SYNE1: variants seen among roughly 807,000 people sequenced by gnomAD.
SYNE1 encodes the protein spectrin repeat containing nuclear envelope protein 1, also known as nesprin-1.
In SYNE1, 616 loss-of-function variants were observed where a neutral mutation model predicts 1,111.0. That is an observed-to-expected ratio of 0.55 (90% confidence interval 0.52 to 0.59). The LOEUF (loss-of-function observed/expected upper bound fraction) is 0.59. Among genes scored for constraint, SYNE1 ranks in the 20% least tolerant of loss-of-function variants. SYNE1 has a pLI of 0.00. For missense variants in SYNE1, 10,006 were observed against 10,417.0 expected, an observed-to-expected ratio of 0.96 and a Z score of 1.72; for synonymous variants, 3,855 against 3,825.8, an observed-to-expected ratio of 1.01 and a Z score of -0.28.
Position 152,416,892 on chromosome 6 carries a change from A to C in SYNE1, c.5545T>G (p.Cys1849Gly). 1 of 1,613,980 alleles carries C rather than the reference A, an allele frequency of 6.2e-7. No individual in the cohort carries two copies. Among genetic ancestry groups the C allele is most frequent in the Non-Finnish European group, 8.5e-7 (1 of 1,179,890 alleles). ...CTGGCCTCCTCAAACAGCTGGAAGC[A>C]GTCCTCAGCCTTTCCCTGCAGGAGG... ...LHLLQGKAED[C>G]FQLFEEASQV... The change falls in exon 41 of 146, where the codon TGC (cysteine) becomes GGC (glycine). Residue 1849 changes from cysteine to glycine, a missense_variant. Cys to Gly is a radical substitution (Grantham distance 159). Transcript: ENST00000367255.
At chr6:152,291,144 AT>A (rs2094583808) in intron 95 of SYNE1, among the ~76,000 whole-genome samples, 2 of 127,926 alleles carry the variant, frequency 1.6e-5, no homozygotes, top group Non-Finnish European at 3.3e-5. Flanking sequence ...ATATTAATAT[AT>A]GCAATTATAT....
At chr6:152,398,754 A>T in intron 48 of SYNE1, 23 bp from the exon 49 acceptor site, 2 of 1,572,388 alleles carry the variant, frequency 1.3e-6, no homozygotes, top group Non-Finnish European at 1.7e-6. Flanking sequence ...AAAATAAATA[A>T]ATAAAAATAA....
chr6:152,226,892 T>G (rs17803505), intron 115 of SYNE1, among the ~76,000 whole-genome samples: 10,940 of 152,216 alleles, frequency 0.072, 558 homozygotes, highest in Admixed American at 0.15. Flanking sequence ...AAGGCATGGT[T>G]ACAGTCCCAT....
chr6:152,527,762 T>C (rs1429622755), intron 4 of SYNE1, among the ~76,000 whole-genome samples: 1 of 152,192 alleles, frequency 6.6e-6, no homozygotes, highest in Non-Finnish European at 1.5e-5. Context: ...GGAATTCTCA[T>C]AAAATAATAA....
At chr6:152,494,119 T>C (rs2098986689) in intron 11 of SYNE1, among the ~76,000 whole-genome samples, 1 of 152,206 alleles carries the variant, frequency 6.6e-6, no homozygotes, top group African/African-American at 2.4e-5. Flanking sequence ...TTCATGTCTG[T>C]ATGCAGTGAC....
At position 152,471,722 on chromosome 6, in the gene SYNE1, T is replaced by C; in HGVS notation, c.1507A>G (p.Met503Val). 1 of 1,613,900 alleles carries C rather than the reference T, an allele frequency of 6.2e-7. No homozygotes were observed. Among genetic ancestry groups the C allele is most frequent in the Non-Finnish European group, 8.5e-7 (1 of 1,179,846 alleles). Residue 503 changes from methionine (M) to valine (V), a missense_variant, in exon 16 of 146, where the codon ATG becomes GTG. Physicochemically the swap from Met to Val is conservative, Grantham distance 21. Around this residue, in one of 7 missense-constraint regions of SYNE1, gnomAD observed 1,971 missense variants for 2,084.1 expected, o/e 0.95. Coordinates refer to ENST00000367255, the MANE Select transcript of SYNE1 (RefSeq NM_182961.4). ...SSTSELHLMK[M>V]EFLELKYRLL... ...CGGTACTTTAATTCTAAAAATTCCA[T>C]TTTCATTAGGTGTAGCTCTGATGTG...
At chr6:152,529,806 T>A (rs775464433) in intron 4 of SYNE1, among the ~76,000 whole-genome samples, 6 of 149,588 alleles carry the variant, frequency 4.0e-5, no homozygotes, top group African/African-American at 1.5e-4. Flanking sequence ...ACCAGGGAAG[T>A]TCCCCCAGGT....
chr6:152,231,337 G>A (rs1375152073), intron 114 of SYNE1, 54 bp downstream of exon 114: 1 of 1,590,544 alleles, frequency 6.3e-7, no homozygotes, highest in African/African-American at 1.3e-5. Flanking sequence ...TACAGAGTGT[G>A]CCTGTTCTTG....
chr6:152,240,843 T>C (rs975598215), intron 107 of SYNE1, among the ~76,000 whole-genome samples: 1 of 152,224 alleles, frequency 6.6e-6, no homozygotes, highest in African/African-American at 2.4e-5. Context: ...AGTGTGGCTT[T>C]ATCTGTGCTT....
rs200637611 is a variant in SYNE1 at position 152,302,079 on chromosome 6, C to T, written c.17347-16G>A. On this transcript the variant is annotated splice_polypyrimidine_tract_variant and intron_variant, in intron 91 of 145. Coordinates refer to ENST00000367255, the MANE Select transcript of SYNE1 (RefSeq NM_182961.4). ...GCGCCAGCTCCTGAGGAAACATTTC[C>T]CCCACCGGGGTGTCAGAGCAGCATC... is the stretch of plus-strand genomic sequence containing the variant. 6.2e-7 allele frequency: 1 copy of T among 1,614,212 alleles called. No homozygotes were observed. Among genetic ancestry groups the T allele is most frequent in the East Asian group, 2.2e-5 (1 of 44,882 alleles).
chr6:152,255,719 G>A lies in SYNE1; in HGVS notation c.19132C>T (p.His6378Tyr), dbSNP rs781479222. ...QSGGAKRQSIHLEQKLYDGVS... is the reference protein window; with the variant it reads ...QSGGAKRQSIYLEQKLYDGVS... ...CCATCATACAACTTCTGCTCCAAGT[G>A]TATACTCTGCCTCTTTGCCCCTCCA... is the stretch of plus-strand genomic sequence containing the variant. The change falls in exon 103 of 146, where the codon CAC (histidine) becomes TAC (tyrosine). Residue 6378 changes from histidine to tyrosine, a missense_variant. His to Tyr is a moderately conservative substitution (Grantham distance 83, BLOSUM62 2). This residue lies in a region of SYNE1 where 2,182 missense variants were observed against 2,287.8 expected (regional missense o/e 0.95). Transcript: ENST00000367255. The A allele has an allele frequency of 1.9e-6, 3 of 1,614,162 alleles. No individual in the cohort carries two copies. Among genetic ancestry groups the A allele is most frequent in the Admixed American group, 3.3e-5 (2 of 60,022 alleles).
At chr6:152,460,922 C>T (rs1003518988) in intron 21 of SYNE1, among the ~76,000 whole-genome samples, 4 of 149,444 alleles carry the variant, frequency 2.7e-5, no homozygotes, top group African/African-American at 9.8e-5. Flanking sequence ...AAGTGATTCT[C>T]CTGCCTCAGG....
At position 152,367,309 on chromosome 6, in the gene SYNE1, T is replaced by A. The variant is rs2097099326; in HGVS notation, c.9881A>T (p.Asp3294Val). Residue 3294 changes from aspartate to valine, a missense_variant, in exon 62 of 146, where the codon GAC (aspartate) becomes GTC (valine). Around this residue, in one of 7 missense-constraint regions of SYNE1, gnomAD observed 4,955 missense variants for 5,017.2 expected, o/e 0.99. Coordinates refer to ENST00000367255, the MANE Select transcript of SYNE1 (RefSeq NM_182961.4). The stretch of plus-strand genomic sequence containing the variant: ...CATGTGAATCGCATCCGTCATCCAG[T>A]CTTGTAATTCTTTAATCCCAAGAGA... ...QFSLGIKELQ[D>V]WMTDAIHMLD... 1.2e-6 allele frequency: 2 copies of A among 1,614,104 alleles called. No individual in the cohort carries two copies. Among genetic ancestry groups the A allele is most frequent in the African/African-American group, 1.3e-5 (1 of 74,932 alleles).
At chr6:152,524,713 G>A (rs1441571080) in intron 5 of SYNE1, among the ~76,000 whole-genome samples, 2 of 152,106 alleles carry the variant, frequency 1.3e-5, no homozygotes, top group Non-Finnish European at 2.9e-5. Flanking sequence ...TGTGGAGAGC[G>A]AGATGGGGAA....
At chr6:152,231,670 C>T (rs2082777478) in intron 113 of SYNE1, 103 bp from the exon 114 acceptor site, 6 of 1,230,188 alleles carry the variant, frequency 4.9e-6, no homozygotes, top group Non-Finnish European at 3.4e-6. Flanking sequence ...TTATCACTTC[C>T]ATAACTCAGC....
chr6:152,256,663 T>A lies in SYNE1; in HGVS notation c.19075A>T (p.Asn6359Tyr), dbSNP rs1478179293. ...SAVTSLLDGLNQAFEEVSSQS... is the reference protein window; with the variant it reads ...SAVTSLLDGLYQAFEEVSSQS... ...GATGAAACCTCCTCGAAGGCTTGGT[T>A]CAGTCCATCCAGCAAAGATGTAACT... The change falls in exon 102 of 146, where the codon AAC becomes TAC. Residue 6359 changes from asparagine (N) to tyrosine (Y), a missense_variant. This residue lies in a region of SYNE1 where 2,182 missense variants were observed against 2,287.8 expected (regional missense o/e 0.95). Transcript: ENST00000367255. 6.2e-7 allele frequency: 1 copy of A among 1,613,798 alleles called. No individual in the cohort carries two copies.
rs2085948591 is a variant in SYNE1 at position 152,242,451 on chromosome 6, G to A, written c.19693-11C>T. The stretch of plus-strand genomic sequence containing the variant: ...CTCATCATACATGTCCTAAGAAGCA[G>A]AGACCACAAGACTCACTCTCAATTC... On this transcript the variant is annotated splice_polypyrimidine_tract_variant and intron_variant, in intron 106 of 145. Coordinates refer to ENST00000367255, the MANE Select transcript of SYNE1 (RefSeq NM_182961.4). 1 of 1,613,684 alleles carries A rather than the reference G, an allele frequency of 6.2e-7. No individual in the cohort carries two copies. The highest frequency in any genetic ancestry group is 8.5e-7 in the Non-Finnish European group (1 of 1,179,892).
At chr6:152,260,676 C>A (rs1452447473) in intron 101 of SYNE1, among the ~76,000 whole-genome samples, 1 of 150,732 alleles carries the variant, frequency 6.6e-6, no homozygotes, top group Non-Finnish European at 1.5e-5. Flanking sequence ...CGATCCCCAA[C>A]CTTTTTGGCA....
chr6:152,129,628 C>T (rs2459110), intron 145 of SYNE1: 69 of 150,136 alleles, frequency 4.6e-4, no homozygotes, highest in African/African-American at 1.7e-3. Flanking sequence ...AAAAACAGTA[C>T]AGGGAGGTCT....
Sources: allele counts gnomAD v4.1 joint callset (sites outside exome capture counted in the v4.1 genomes callset), GRCh38; gene constraint gnomAD v4.1.1; regional missense constraint gnomAD v4.1.1; transcripts MANE v1.5; gene names NCBI Gene and HGNC (gene_info 2026-07-23, HGNC 2026-07-21).